The following CEP55 variants were observed in gnomAD, a reference collection of about 807,000 sequenced individuals.
CEP55 encodes centrosomal protein of 55 kDa.
Under a neutral mutation model 63.2 loss-of-function variants are expected in CEP55, and 57 were observed. The ratio of observed to expected loss-of-function variants is 0.90; its 90% CI spans 0.73 to 1.13. CEP55 has a LOEUF of 1.13. Among genes scored for constraint, CEP55 ranks in the 50% most tolerant of loss-of-function variants. The pLI is 0.00. For missense variants in CEP55, 456 were observed against 518.9 expected (o/e 0.88, Z 1.18); for synonymous variants, 178 against 191.6 (o/e 0.93, Z 0.59).
intron 1 of CEP55, 25 bp from the exon 2 acceptor site, chr10:93,500,015 A>G (rs1344262406): frequency 1.1e-5 from 16 of 1,479,190 alleles, no homozygotes; most frequent in African/African-American, 1.4e-5. Flanking sequence ...ACTCAGAATT[A>G]TACAGTTGAT....
chr10:93,514,105 G>A (rs370049152), intron 4 of CEP55, among the ~76,000 whole-genome samples: 3 of 152,004 alleles, frequency 2.0e-5, no homozygotes, highest in Non-Finnish European at 2.9e-5. Context: ...CACCATGCCC[G>A]GCTAAAAAAT....
chr10:93,512,046 T>C (rs1242347352), intron 4 of CEP55, among the ~76,000 whole-genome samples: 1 of 148,896 alleles, frequency 6.7e-6, no homozygotes, highest in Non-Finnish European at 1.5e-5. Flanking sequence ...TGGGCCAACA[T>C]GGTGATACCC....
chr10:93,517,271 T>C (rs575300493), intron 6 of CEP55, 23 bp downstream of exon 6: 2 of 1,549,234 alleles, frequency 1.3e-6, no homozygotes, highest in African/African-American at 1.4e-5. Context: ...AGATCCATAA[T>C]TCAGAGTGTT....
rs1443894617 is a variant in CEP55 at position 93,519,810 on chromosome 10, G to T, written c.1191+3G>T. ...AAATAACACAGTTGGAATCCTTGGT[G>T]AGTCTGGAATGATTAAACTAAAATT... On this transcript the variant is annotated splice_donor_region_variant and intron_variant, in intron 8 of 8. Coordinates refer to ENST00000371485, the MANE Select transcript of CEP55 (RefSeq NM_018131.5). 2 of 1,613,992 alleles carry T rather than the reference G, an allele frequency of 1.2e-6. No individual in the cohort carries two copies. The highest frequency in any genetic ancestry group is 8.5e-7 in the Non-Finnish European group (1 of 1,180,008).
At chr10:93,519,046 G>A in intron 7 of CEP55, 98 bp downstream of exon 7, 1 of 862,234 alleles carries the variant, frequency 1.2e-6, no homozygotes, top group Non-Finnish European at 1.9e-6. Context: ...TTTGAAAGTT[G>A]TGAAAAGTGT....
intron 4 of CEP55, among the ~76,000 whole-genome samples, chr10:93,511,009 G>A (rs2057742406): frequency 6.8e-6 from 1 of 147,190 alleles, no homozygotes; most frequent in South Asian, 2.1e-4. Context: ...CACGGTCTCA[G>A]CTCACTGCAA....
chr10:93,515,062 C>T (rs907410259), intron 4 of CEP55, among the ~76,000 whole-genome samples: 7 of 152,256 alleles, frequency 4.6e-5, no homozygotes, highest in East Asian at 3.9e-4. Context: ...CGAGAGCCAC[C>T]GCACCCAGCC....
At chr10:93,522,307 C>T (rs987448500) in intron 8 of CEP55, among the ~76,000 whole-genome samples, 18 of 152,090 alleles carry the variant, frequency 1.2e-4, no homozygotes, top group African/African-American at 1.4e-4. Flanking sequence ...CCTCAGTAGC[C>T]GATTTGATCA....
intron 2 of CEP55, among the ~76,000 whole-genome samples, chr10:93,500,476 AC>A (rs1366143536): frequency 1.3e-5 from 2 of 152,214 alleles, no homozygotes; most frequent in African/African-American, 2.4e-5. Context: ...TTTTGAGGTT[AC>A]CAGGTACTAA....
chr10:93,498,324 G>A (rs562622023), intron 1 of CEP55, among the ~76,000 whole-genome samples: 8 of 152,162 alleles, frequency 5.3e-5, no homozygotes, highest in South Asian at 2.1e-4. Context: ...GTTCTTTCAC[G>A]TTCTGCAGAT....
intron 8 of CEP55, among the ~76,000 whole-genome samples, chr10:93,521,133 G>A (rs1016724845): frequency 7.2e-5 from 11 of 152,126 alleles, no homozygotes; most frequent in Admixed American, 3.3e-4. Flanking sequence ...AGCGTGAACC[G>A]AAGCAGGGTG....
intron 8 of CEP55, among the ~76,000 whole-genome samples, chr10:93,521,473 G>A (rs1029507882): frequency 1.8e-4 from 27 of 152,178 alleles, no homozygotes; most frequent in African/African-American, 7.2e-5. Context: ...GGAGCCCACC[G>A]CAGCTCAAGG....
rs375737489 is a variant in CEP55, at chr10:93,528,798, T to C, written c.*645T>C. 27 of 152,294 alleles carry C rather than the reference T, an allele frequency of 1.8e-4. No homozygotes were observed. Among genetic ancestry groups the C allele is most frequent in the African/African-American group, 5.5e-4 (23 of 41,464 alleles). The allele number at this position is 152,294 out of a possible 1,614,324, so 9.4% of individuals were successfully genotyped here. ...TGGCCACACACAATGTTTTCTCTTA[T>C]GTTATCTGGCAGTAACTGTAACTTG... On this transcript the variant is annotated 3_prime_UTR_variant, in exon 9 of 9. Coordinates refer to ENST00000371485, the MANE Select transcript of CEP55 (RefSeq NM_018131.5).
chr10:93,527,829 C>A, intron 8 of CEP55, 121 bp from the exon 9 acceptor site: 1 of 783,496 alleles, frequency 1.3e-6, no homozygotes, highest in Non-Finnish European at 2.1e-6. Flanking sequence ...TGCAGTGAGC[C>A]ATGTTTGTGC....
rs928900947 is a variant in CEP55, at chr10:93,526,286, C to T, written c.1192-1664C>T. Among the ~76,000 whole-genome samples the T allele has an allele frequency of 2.2e-4, 33 of 152,272 alleles. 1 individual carries two copies. Among genetic ancestry groups the T allele is most frequent in the African/African-American group, 7.5e-4 (31 of 41,546 alleles). ...AAAGTGGGTGAAGGATATGAATAGA[C>T]ACTTCTCAAAAGAAGACATTTATGC... is the stretch of plus-strand genomic sequence containing the variant. On this transcript the variant is annotated intron_variant, in intron 8 of 8. Transcript: ENST00000371485.
At position 93,517,317 on chromosome 10, in the gene CEP55, C is replaced by T. The variant is rs1004955739; in HGVS notation, c.993+69C>T. 5.3e-6 allele frequency: 7 copies of T among 1,309,276 alleles called. No homozygotes were observed. The African/African-American group carries it at 1.0e-4, about 19-fold the overall frequency. 81.1% of individuals were successfully genotyped at this position (1,309,276 alleles called of 1,614,324 possible). A position where few individuals can be genotyped will look rare whatever the true frequency, so the allele number is the denominator to read the frequency against. On this transcript the variant is annotated intron_variant, in intron 6 of 8. Transcript: ENST00000371485. ...TTTCTAAGTGTCAGGGACTATTTGACCACTAGAGAACTGGCTAGGGACAAA... is the reference window on the plus strand; with the variant it reads ...TTTCTAAGTGTCAGGGACTATTTGATCACTAGAGAACTGGCTAGGGACAAA...
In CEP55 at chr10:93,503,131, G is replaced by A; in HGVS notation, c.202G>A (p.Ala68Thr). The A allele has an allele frequency of 6.2e-7, 1 of 1,613,548 alleles. No individual in the cohort carries two copies. Among genetic ancestry groups the A allele is most frequent in the Non-Finnish European group, 8.5e-7 (1 of 1,179,840 alleles). Residue 68 changes from alanine to threonine, a missense_variant, in exon 3 of 9, where the codon GCT becomes ACT. Physicochemically the swap from Ala to Thr is moderately conservative, Grantham distance 58. Transcript: ENST00000371485. ...TGTCTAGAAAATTCGAGTCCTTGAG[G>A]CTGAGAAGGAGAAGAATGCTTATCA... is the stretch of plus-strand genomic sequence containing the variant. ...RLLEKIRVLE[A>T]EKEKNAYQLT...
chr10:93,522,320 T>G (rs1421894325), intron 8 of CEP55, among the ~76,000 whole-genome samples: 1 of 152,122 alleles, frequency 6.6e-6, no homozygotes, highest in Non-Finnish European at 1.5e-5. Flanking sequence ...TTTGATCAAC[T>G]GGAAGAATGA....
chr10:93,504,968 C>T (rs927754137), intron 3 of CEP55, among the ~76,000 whole-genome samples: 3 of 151,884 alleles, frequency 2.0e-5, no homozygotes, highest in Admixed American at 6.6e-5. Context: ...CCTGCCACGA[C>T]GCCCTGCTGA....
Sources: gnomAD v4.1 joint callset for allele counts (sites outside exome capture counted in the v4.1 genomes callset) on GRCh38, gnomAD v4.1.1 for gene constraint, MANE v1.5 for transcripts, NCBI Gene and HGNC (gene_info 2026-07-23, HGNC 2026-07-21) for gene names.